RNF138: variants seen among roughly 807,000 people sequenced by gnomAD.
RNF138 encodes the protein ring finger protein 138.
RNF138 carries 12 observed loss-of-function variants against 31.0 expected under a neutral mutation model. The ratio of observed to expected loss-of-function variants is 0.39; its 90% CI spans 0.25 to 0.63. The LOEUF is 0.63. RNF138 is among the 20% of genes least tolerant of loss of function. The pLI is 0.52. For synonymous variants in RNF138, 105 were observed against 99.5 expected, an observed-to-expected ratio of 1.06 and a Z score of -0.33; for missense variants, 192 against 300.1, an observed-to-expected ratio of 0.64 and a Z score of 2.66.
chr18:32,124,543 C>T lies in RNF138; in HGVS notation c.450-191C>T, dbSNP rs2040355582. 10 of 526,648 alleles carry T rather than the reference C, an allele frequency of 1.9e-5. No individual in the cohort carries two copies. In the South Asian group the frequency reaches 2.2e-4, roughly 12 times the overall value. 32.6% of individuals were successfully genotyped at this position (526,648 alleles called of 1,614,324 possible). On this transcript the variant is annotated intron_variant, in intron 5 of 7. Coordinates refer to ENST00000261593, the MANE Select transcript of RNF138 (RefSeq NM_016271.5). ...AAATTTATTGAGGACACTAAGAGTA[C>T]TGTAAACTGAGATTGGGAACCTCTG... is the stretch of plus-strand genomic sequence containing the variant.
chr18:32,111,992 G>A, intron 3 of RNF138, 73 bp downstream of exon 3: 2 of 1,320,482 alleles, frequency 1.5e-6, no homozygotes, highest in Non-Finnish European at 1.0e-6. Context: ...GAATTTTCTT[G>A]GTTGGTGTTT....
intron 2 of RNF138, among the ~76,000 whole-genome samples, chr18:32,105,751 C>A (rs9967305): frequency 0.015 from 2,313 of 152,204 alleles, 61 homozygotes; most frequent in African/African-American, 0.053. Context: ...AAAAAATTTC[C>A]ATATCGGAAG....
At chr18:32,121,149 A>G (rs1434617176) in intron 4 of RNF138, among the ~76,000 whole-genome samples, 1 of 150,486 alleles carries the variant, frequency 6.6e-6, no homozygotes, top group Non-Finnish European at 1.5e-5. Context: ...AAAACAAAAC[A>G]AAAAAAAAGC....
At chr18:32,112,800 A>G (rs1311033424) in intron 3 of RNF138, among the ~76,000 whole-genome samples, 1 of 152,226 alleles carries the variant, frequency 6.6e-6, no homozygotes, top group Non-Finnish European at 1.5e-5. Context: ...TTATTCTATC[A>G]TTTGGAGAAG....
chr18:32,126,592 A>G (rs1175788923), intron 6 of RNF138, 101 bp from the exon 7 acceptor site: 1 of 659,148 alleles, frequency 1.5e-6, no homozygotes, highest in South Asian at 2.3e-5. Context: ...TCTCACGTAG[A>G]TATTTTTGGT....
At chr18:32,112,681 TA>T (rs542076466) in intron 3 of RNF138, among the ~76,000 whole-genome samples, 1 of 151,740 alleles carries the variant, frequency 6.6e-6, no homozygotes, top group Admixed American at 6.6e-5. Flanking sequence ...AAACGCTGTC[TA>T]AAAAAAAAGA....
intron 7 of RNF138, among the ~76,000 whole-genome samples, chr18:32,128,628 T>C (rs952569186): frequency 1.3e-5 from 2 of 152,214 alleles, no homozygotes; most frequent in African/African-American, 4.8e-5. Context: ...TTTCTAGAGA[T>C]GACACATTTA....
chr18:32,112,935 C>T (rs2040157266), intron 3 of RNF138, among the ~76,000 whole-genome samples: 1 of 152,184 alleles, frequency 6.6e-6, no homozygotes, highest in African/African-American at 2.4e-5. Context: ...CATGCATTCA[C>T]ACAAGTCAGA....
chr18:32,093,570 C>T (rs1350966537), intron 2 of RNF138, among the ~76,000 whole-genome samples: 2 of 152,140 alleles, frequency 1.3e-5, no homozygotes, highest in South Asian at 4.1e-4. Context: ...GAGCGTTCCC[C>T]TTTGTTTTAC....
intron 7 of RNF138, among the ~76,000 whole-genome samples, chr18:32,128,028 G>T (rs1049629654): frequency 3.9e-5 from 6 of 152,154 alleles, no homozygotes; most frequent in African/African-American, 1.4e-4. Flanking sequence ...TGCAGTGCGT[G>T]AAGATCACGC....
At chr18:32,124,655 G>C in intron 5 of RNF138, 79 bp from the exon 6 acceptor site, 1 of 738,670 alleles carries the variant, frequency 1.4e-6, no homozygotes, top group Non-Finnish European at 2.4e-6. Flanking sequence ...AAAATGTATA[G>C]TGATTCCTCA....
chr18:32,097,099 G>C (rs1353889085), intron 2 of RNF138, among the ~76,000 whole-genome samples: 1 of 152,214 alleles, frequency 6.6e-6, no homozygotes, highest in African/African-American at 2.4e-5. Flanking sequence ...TCAAAGCAAG[G>C]CTTCAGAAGA....
intron 2 of RNF138, among the ~76,000 whole-genome samples, chr18:32,093,344 G>T (rs1367757024): frequency 3.3e-5 from 5 of 151,970 alleles, no homozygotes; most frequent in Non-Finnish European, 5.9e-5. Flanking sequence ...GGGCCCGCTC[G>T]CCCCGCGACC....
chr18:32,107,715 C>T (rs2040058410), intron 2 of RNF138, among the ~76,000 whole-genome samples: 1 of 150,724 alleles, frequency 6.6e-6, no homozygotes, highest in African/African-American at 2.4e-5. Context: ...GACGGGGTTT[C>T]ACCATGTTGG....
rs576384077 is a variant in RNF138, at chr18:32,107,462, T to C, written c.111-4292T>C. On this transcript the variant is annotated intron_variant, in intron 2 of 7. Transcript: ENST00000261593. ...TAGTAATTTGTCCTTTTTTAAATTT[T>C]AGCAGTTTTTTTTTAAAGGCCAGTT... Among the ~76,000 whole-genome samples, 3 of 151,496 alleles carry C rather than the reference T, an allele frequency of 2.0e-5. No homozygotes were observed. The East Asian group carries it at 5.9e-4, about 30-fold the overall frequency.
intron 5 of RNF138, 68 bp from the exon 6 acceptor site, chr18:32,124,664 CAA>C: frequency 1.3e-6 from 1 of 783,396 alleles, no homozygotes; most frequent in South Asian, 1.4e-5. Context: ...AGTGATTCCT[CAA>C]AAAATAGGAG....
chr18:32,102,043 A>ATT lies in RNF138; in HGVS notation c.110+9171_110+9172dup, dbSNP rs551714071. ...AGGCGTGCACCACCATGCCTGGCTG[A>ATT]TTTTTTTTTTTTTTTCTTCAGTAGA... On this transcript the variant is annotated intron_variant, in intron 2 of 7. Transcript: ENST00000261593. 4.1e-3 allele frequency among the ~76,000 whole-genome samples: 542 copies of ATT among 133,370 alleles called. 3 individuals carry two copies. Among genetic ancestry groups the ATT allele is most frequent in the African/African-American group, 0.014 (511 of 36,132 alleles). 87.5% of individuals were successfully genotyped at this position (133,370 alleles called of 152,430 possible).
At chr18:32,118,645 A>G (rs527468724) in intron 4 of RNF138, among the ~76,000 whole-genome samples, 2 of 152,048 alleles carry the variant, frequency 1.3e-5, no homozygotes, top group East Asian at 3.9e-4. Context: ...CCTGGCCAAC[A>G]TGGTGAAACC....
intron 6 of RNF138, 198 bp downstream of exon 6, chr18:32,125,043 A>C (rs2040362847): frequency 7.8e-6 from 4 of 514,722 alleles, no homozygotes; most frequent in Non-Finnish European, 1.4e-5. Flanking sequence ...TCTCATTATA[A>C]AAAGGGAGAT....
Sources: gnomAD v4.1 joint callset for allele counts (sites outside exome capture counted in the v4.1 genomes callset) on GRCh38, gnomAD v4.1.1 for gene constraint, MANE v1.5 for transcripts, NCBI Gene and HGNC (gene_info 2026-07-23, HGNC 2026-07-21) for gene names.